The following ABI3 variants were observed in gnomAD, a reference collection of about 807,000 sequenced individuals.
The protein encoded by ABI3 is ABI gene family member 3.
In ABI3, 24 loss-of-function variants were observed where a neutral mutation model predicts 37.0. That is an observed-to-expected ratio of 0.65 (90% CI 0.47 to 0.91). The LOEUF is 0.91. ABI3 is among the 40% of genes least tolerant of loss of function. ABI3 has a pLI of 0.00. For synonymous variants in ABI3, 220 were observed against 211.8 expected, an observed-to-expected ratio of 1.04 and a Z score of -0.34; for missense variants, 481 against 485.1, an observed-to-expected ratio of 0.99 and a Z score of 0.08.
Position 49,222,649 on chromosome 17 carries a change from G to A in ABI3, c.1035G>A (p.Trp345Ter). ...TCACTCGCCGCTACTCCGATGGCTGGTGCGAGGGCGTCAGCTCAGAGGGGA... is the reference window on the plus strand; with the variant it reads ...TCACTCGCCGCTACTCCGATGGCTGATGCGAGGGCGTCAGCTCAGAGGGGA... ...ICVTRRYSDG[W>*]CEGVSSEGTG... The change falls in exon 8 of 8, where the codon TGG becomes TGA. Residue 345 changes from tryptophan (W) to a stop codon, truncating the protein, a stop_gained. Transcript: ENST00000225941. LOFTEE classifies it high-confidence loss of function. 6.2e-7 allele frequency: 1 copy of A among 1,612,724 alleles called. No individual in the cohort carries two copies. Among genetic ancestry groups the A allele is most frequent in the Non-Finnish European group, 8.5e-7 (1 of 1,179,506 alleles).
In ABI3 at chr17:49,222,102, C is replaced by T. The variant is rs1213183182; in HGVS notation, c.814C>T (p.Pro272Ser). 1.2e-6 allele frequency: 2 copies of T among 1,606,010 alleles called. No individual in the cohort carries two copies. The highest frequency in any genetic ancestry group is 1.3e-5 in the African/African-American group (1 of 74,576). The change falls in exon 7 of 8, where the codon CCC (proline) becomes TCC (serine). Residue 272 changes from proline (P) to serine (S), a missense_variant. Pro to Ser is a moderately conservative substitution (Grantham distance 74, BLOSUM62 -1). Transcript: ENST00000225941. Reference protein sequence around the residue: ...LSPPPPDEELPLPLDLPPPPP... With the variant: ...LSPPPPDEELSLPLDLPPPPP... ...GCTTTTCCCCCAAGACGAAGAGCTG[C>T]CCCTGCCACTGGACCTGCCTCCTCC...
chr17:49,211,949 CTT>C (rs35385458), intron 1 of ABI3, among the ~76,000 whole-genome samples: 1 of 143,716 alleles, frequency 7.0e-6, no homozygotes, highest in Non-Finnish European at 1.5e-5. Context: ...CCCAGCCAGC[CTT>C]TTTTTTTTTT....
rs758050061 is a variant in ABI3, at chr17:49,222,172, C to G, written c.884C>G (p.Pro295Arg). Residue 295 changes from proline to arginine, a missense_variant, in exon 7 of 8, where the codon CCA becomes CGA. Coordinates refer to ENST00000225941, the MANE Select transcript of ABI3 (RefSeq NM_016428.3). ...GAATTGGGGCTGCCTCCACCCCCAC[C>G]AGGATTTGGGCCTGATGAGCCCAGC... ...GDELGLPPPP[P>R]GFGPDEPSWV... 6.2e-7 allele frequency: 1 copy of G among 1,613,882 alleles called. No homozygotes were observed. Among genetic ancestry groups the G allele is most frequent in the Non-Finnish European group, 8.5e-7 (1 of 1,179,894 alleles).
In ABI3 at chr17:49,219,572, C is replaced by G. The variant is rs1008274406; in HGVS notation, c.495C>G (p.Thr165=). 3 of 1,605,102 alleles carry G rather than the reference C, an allele frequency of 1.9e-6. No individual in the cohort carries two copies. Among genetic ancestry groups the G allele is most frequent in the Non-Finnish European group, 1.7e-6 (2 of 1,176,232 alleles). The change falls in exon 4 of 8, where the codon ACC becomes ACG. Residue 165 remains threonine, a synonymous_variant. Coordinates refer to ENST00000225941, the MANE Select transcript of ABI3 (RefSeq NM_016428.3). The surrounding 1 kb of genome is among the most constrained non-coding windows in gnomAD (Gnocchi z 4.3). ...GCACGCAGCTGTCAAGAACAGGCACCCTGTCTCGAAAGAGCATCAAGGCCC... is the reference window on the plus strand; with the variant it reads ...GCACGCAGCTGTCAAGAACAGGCACGCTGTCTCGAAAGAGCATCAAGGCCC... The part of the protein sequence containing the change: ...DLSTQLSRTG[T]LSRKSIKAPA...
chr17:49,217,730 G>T lies in ABI3; in HGVS notation c.286-9G>T. The T allele has an allele frequency of 6.2e-7, 1 of 1,604,188 alleles. No homozygotes were observed. Reference sequence around the variant, plus strand: ...ACCCCTCTCTGTCACCTTGAACCCTGTCATGCAGATGGTGAACATGCATAT... The same window carrying T: ...ACCCCTCTCTGTCACCTTGAACCCTTTCATGCAGATGGTGAACATGCATAT... On this transcript the variant is annotated splice_polypyrimidine_tract_variant and intron_variant, in intron 2 of 7. Coordinates refer to ENST00000225941, the MANE Select transcript of ABI3 (RefSeq NM_016428.3).
rs545189431 is a variant in ABI3, at chr17:49,218,393, C to T, written c.462+478C>T. ...TGAAGGGAGGGGAGCATGGCGCTGG[C>T]GTCTTCTCAGCCTATGTCCTTCTGC... is the stretch of plus-strand genomic sequence containing the variant. On this transcript the variant is annotated intron_variant, in intron 3 of 7. Transcript: ENST00000225941. Among the ~76,000 whole-genome samples, 76 of 152,300 alleles carry T rather than the reference C, an allele frequency of 5.0e-4. 1 individual carries two copies. The South Asian group carries it at 0.015, about 29-fold the overall frequency.
At position 49,216,654 on chromosome 17, in the gene ABI3, G is replaced by C. The variant is rs772968279; in HGVS notation, c.241G>C (p.Ala81Pro). 1.2e-5 allele frequency: 19 copies of C among 1,607,610 alleles called. No homozygotes were observed. Among genetic ancestry groups the C allele is most frequent in the Non-Finnish European group, 1.5e-5 (18 of 1,177,412 alleles). Residue 81 changes from alanine to proline, a missense_variant, in exon 2 of 8, where the codon GCC becomes CCC. Coordinates refer to ENST00000225941, the MANE Select transcript of ABI3 (RefSeq NM_016428.3). The part of the protein sequence containing the change: ...HTLRMLDLQG[A>P]ALRQVEARVS... Reference sequence around the variant, plus strand: ...TCTGCGCATGTTGGACCTGCAGGGGGCCGCCCTGCGGCAGGTGGAAGCCCG... The same window carrying C: ...TCTGCGCATGTTGGACCTGCAGGGGCCCGCCCTGCGGCAGGTGGAAGCCCG...
Position 49,210,863 on chromosome 17 carries a change from C to T in ABI3, c.117+22C>T. On this transcript the variant is annotated intron_variant, in intron 1 of 7. Coordinates refer to ENST00000225941, the MANE Select transcript of ABI3 (RefSeq NM_016428.3). The surrounding 1 kb of genome is among the most constrained non-coding windows in gnomAD (Gnocchi z 4.2). ...GCAGGTAGGTAGAGCGGGCGGAAGC[C>T]TGACACCCCAGCCCCCGGAGGGGGG... 6.5e-7 allele frequency: 1 copy of T among 1,535,300 alleles called. No individual in the cohort carries two copies. The highest frequency in any genetic ancestry group is 8.8e-7 in the Non-Finnish European group (1 of 1,133,026).
chr17:49,218,905 C>A (rs1033589120), intron 3 of ABI3, among the ~76,000 whole-genome samples: 9 of 151,948 alleles, frequency 5.9e-5, no homozygotes, highest in African/African-American at 1.9e-4. Context: ...GTGTGAGCCA[C>A]CACTCGCGGC....
At chr17:49,214,314 G>A (rs2043199313) in intron 1 of ABI3, among the ~76,000 whole-genome samples, 2 of 152,152 alleles carry the variant, frequency 1.3e-5, no homozygotes, top group Non-Finnish European at 2.9e-5. Flanking sequence ...CTAGAGTATG[G>A]CAACTCCATG....
intron 6 of ABI3, among the ~76,000 whole-genome samples, chr17:49,221,193 G>A (rs1236665610): frequency 1.3e-5 from 2 of 149,886 alleles, no homozygotes; most frequent in African/African-American, 4.9e-5. Context: ...AATAAAGGCC[G>A]GGTGTGGTGG....
At chr17:49,215,426 C>A (rs1420165433) in intron 1 of ABI3, among the ~76,000 whole-genome samples, 1 of 152,046 alleles carries the variant, frequency 6.6e-6, no homozygotes, top group Non-Finnish European at 1.5e-5. Flanking sequence ...CTGTTCTGGG[C>A]CTCAGTTTCC....
At position 49,210,747 on chromosome 17, in the gene ABI3, A is replaced by G; in HGVS notation, c.23A>G (p.Gln8Arg). The G allele has an allele frequency of 6.4e-7, 1 of 1,556,456 alleles. No individual in the cohort carries two copies. Among genetic ancestry groups the G allele is most frequent in the Non-Finnish European group, 8.7e-7 (1 of 1,149,998 alleles). ...GTGATGGCGGAGCTACAGCAGCTGC[A>G]GGAGTTTGAGATCCCCACTGGCCGG... MAELQQL[Q>R]EFEIPTGREA... The change falls in exon 1 of 8, where the codon CAG becomes CGG. Residue 8 changes from glutamine to arginine, a missense_variant. Transcript: ENST00000225941. The surrounding 1 kb of genome is among the most constrained non-coding windows in gnomAD (Gnocchi z 4.2).
chr17:49,215,494 C>CTT (rs111820237), intron 1 of ABI3, among the ~76,000 whole-genome samples: 190 of 148,612 alleles, frequency 1.3e-3, no homozygotes, highest in Non-Finnish European at 2.1e-3. Flanking sequence ...ACATGGAAAG[C>CTT]TTTTTTTTTT....
At position 49,222,227 on chromosome 17, in the gene ABI3, T is replaced by G. The variant is rs933349302; in HGVS notation, c.937+2T>G. ...TGCCTGCCTCATACTTGGAGAAAGG[T>G]ACCTGACTTCTGGGACTGAGGGGCA... On this transcript the variant is annotated splice_donor_variant, in intron 7 of 7. Transcript: ENST00000225941. LOFTEE classifies it high-confidence loss of function. 2 of 1,612,396 alleles carry G rather than the reference T, an allele frequency of 1.2e-6. No individual in the cohort carries two copies. Among genetic ancestry groups the G allele is most frequent in the Non-Finnish European group, 1.7e-6 (2 of 1,179,250 alleles).
Position 49,217,899 on chromosome 17 carries a change from T to C in ABI3, c.446T>C (p.Ile149Thr), listed in dbSNP as rs751254771. ...CTCAACTTTGGCTGCCTGGACGACA[T>C]TGGCCATGGGATCAAGGTAGAGAGA... ...RPLNFGCLDD[I>T]GHGIKDLSTQ... The change falls in exon 3 of 8, where the codon ATT becomes ACT. Residue 149 changes from isoleucine (I) to threonine (T), a missense_variant. Transcript: ENST00000225941. 8.9e-6 allele frequency: 14 copies of C among 1,567,776 alleles called. No homozygotes were observed. The African/African-American group carries it at 9.8e-5, about 11-fold the overall frequency.
At chr17:49,220,394 C>G in intron 6 of ABI3, 68 bp downstream of exon 6, 3 of 1,513,072 alleles carry the variant, frequency 2.0e-6, no homozygotes, top group African/African-American at 1.4e-5. Flanking sequence ...CTCCCCAGCC[C>G]ACCTCTCTTG....
Position 49,222,222 on chromosome 17 carries a change from A to G in ABI3, c.934A>G (p.Lys312Glu). Residue 312 changes from lysine to glutamate, a missense_variant, in exon 7 of 8, where the codon AAA (lysine) becomes GAA (glutamate). Coordinates refer to ENST00000225941, the MANE Select transcript of ABI3 (RefSeq NM_016428.3). ...CTGGGTGCCTGCCTCATACTTGGAGAAAGGTACCTGACTTCTGGGACTGAG... is the reference window on the plus strand; with the variant it reads ...CTGGGTGCCTGCCTCATACTTGGAGGAAGGTACCTGACTTCTGGGACTGAG... The part of the protein sequence containing the change: ...PSWVPASYLE[K>E]VVTLYPYTSQ... 2.5e-6 allele frequency: 4 copies of G among 1,612,144 alleles called. No homozygotes were observed. The highest frequency in any genetic ancestry group is 3.4e-6 in the Non-Finnish European group (4 of 1,179,192).
Position 49,222,138 on chromosome 17 carries a change from G to A in ABI3, c.850G>A (p.Asp284Asn). ...GGACCTGCCTCCTCCTCCACCCCTG[G>A]ATGGAGATGAATTGGGGCTGCCTCC... ...PLDLPPPPPL[D>N]GDELGLPPPP... The change falls in exon 7 of 8, where the codon GAT becomes AAT. Residue 284 changes from aspartate (D) to asparagine (N), a missense_variant. Asp to Asn is a conservative substitution (Grantham distance 23). Transcript: ENST00000225941. 6.2e-7 allele frequency: 1 copy of A among 1,613,602 alleles called. No individual in the cohort carries two copies. The highest frequency in any genetic ancestry group is 8.5e-7 in the Non-Finnish European group (1 of 1,179,796).
Sources: gnomAD v4.1 joint callset for allele counts (sites outside exome capture counted in the v4.1 genomes callset) on GRCh38, gnomAD v4.1.1 for gene constraint, Gnocchi (gnomAD v3.1) non-coding constraint, MANE v1.5 for transcripts, NCBI Gene and HGNC (gene_info 2026-07-23, HGNC 2026-07-21) for gene names.